The following SLC12A2 variants were observed in gnomAD, a reference collection of about 807,000 sequenced individuals.
SLC12A2 encodes the protein solute carrier family 12 member 2, also known as Na-K-2Cl cotransporter 1.
A neutral mutation model predicts 136.3 loss-of-function variants in SLC12A2; 67 were observed. The ratio of observed to expected loss-of-function variants is 0.49; its 90% confidence interval spans 0.40 to 0.60. The LOEUF is 0.60. Ranked by LOEUF, SLC12A2 falls within the 20% of genes least tolerant of loss-of-function variation. The pLI is 0.00. For synonymous variants in SLC12A2, 619 were observed against 562.9 expected (o/e 1.10, Z -1.41); for missense variants, 1,322 against 1,534.7 (o/e 0.86, Z 2.32).
intron 14 of SLC12A2, among the ~76,000 whole-genome samples, chr5:128,151,810 T>A (rs1156507887): frequency 6.6e-6 from 1 of 152,144 alleles, no homozygotes; most frequent in African/African-American, 2.4e-5. Context: ...GTCCTTGAAC[T>A]GGAGTGAGTA....
At chr5:128,171,586 TATTA>T in intron 18 of SLC12A2, 77 bp from the exon 19 acceptor site, 1 of 821,106 alleles carries the variant, frequency 1.2e-6, no homozygotes, top group Non-Finnish European at 2.0e-6. Context: ...AGAGATCATC[TATTA>T]TTTATTTTAA....
rs1762573369 is a variant in SLC12A2 at position 128,147,682 on chromosome 5, C to T, written c.1834C>T (p.Leu612Phe). 6.2e-7 allele frequency: 1 copy of T among 1,610,260 alleles called. No homozygotes were observed. Among genetic ancestry groups the T allele is most frequent in the Non-Finnish European group, 8.5e-7 (1 of 1,177,310 alleles). The stretch of plus-strand genomic sequence containing the variant: ...TTCTGCAGGTATATTTTCAGCCACT[C>T]TTTCTTCAGCATTAGCATCCCTAGT... ...LISAGIFSAT[L>F]SSALASLVSA... The change falls in exon 11 of 27, where the codon CTT (leucine) becomes TTT (phenylalanine). Residue 612 changes from leucine to phenylalanine, a missense_variant. Leu to Phe is a conservative substitution (Grantham distance 22). This residue lies in a region of SLC12A2 where 294 missense variants were observed against 436.6 expected (regional missense o/e 0.67). Coordinates refer to ENST00000262461, the MANE Select transcript of SLC12A2 (RefSeq NM_001046.3).
chr5:128,144,222 A>T (rs1213863186), intron 10 of SLC12A2, among the ~76,000 whole-genome samples: 3 of 152,166 alleles, frequency 2.0e-5, no homozygotes, highest in Non-Finnish European at 4.4e-5. Flanking sequence ...TTATGGACTC[A>T]TTCGAGCAAA....
rs1242333495 is a variant in SLC12A2 at position 128,084,039 on chromosome 5, G to A, written c.85G>A (p.Ala29Thr). ...GACGCCGTCAGCCGCTGCGCTGGCC[G>A]CAGCCAGGGTGGAACTGCCCGGCAC... ...GETPSAAALA[A>T]ARVELPGTAV... Residue 29 changes from alanine (A) to threonine (T), a missense_variant, in exon 1 of 27, where the codon GCA becomes ACA. This residue lies in a region of SLC12A2 where 358 missense variants were observed against 299.7 expected (regional missense o/e 1.19). Transcript: ENST00000262461. The surrounding 1 kb of genome is among the most constrained non-coding windows in gnomAD (Gnocchi z 5.6). The A allele has an allele frequency of 1.6e-6, 2 of 1,269,688 alleles. No individual in the cohort carries two copies. The allele number at this position is 1,269,688 out of a possible 1,614,324, so 78.7% of individuals were successfully genotyped here. A position where few individuals can be genotyped will look rare whatever the true frequency, so the allele number is the denominator to read the frequency against.
chr5:128,107,516 C>T (rs1463710763), intron 1 of SLC12A2, among the ~76,000 whole-genome samples: 1 of 152,170 alleles, frequency 6.6e-6, no homozygotes, highest in Admixed American at 6.5e-5. Context: ...TTGTTCAGCT[C>T]CCACTTATGA....
intron 2 of SLC12A2, 33 bp from the exon 3 acceptor site, chr5:128,114,179 C>T: frequency 6.8e-7 from 1 of 1,461,406 alleles, no homozygotes; most frequent in South Asian, 1.2e-5. Context: ...TATTCTTCTT[C>T]CTCTGTGTCT....
intron 16 of SLC12A2, 74 bp downstream of exon 16, chr5:128,158,238 G>T (rs1762925989): frequency 1.9e-6 from 2 of 1,070,626 alleles, no homozygotes; most frequent in Admixed American, 2.2e-5. Context: ...TACATGTGCA[G>T]GTTTGTTATG....
intron 16 of SLC12A2, among the ~76,000 whole-genome samples, chr5:128,161,234 AC>A (rs1763026733): frequency 6.6e-6 from 1 of 152,182 alleles, no homozygotes; most frequent in African/African-American, 2.4e-5. Context: ...TTTATAGCTC[AC>A]TTTGATTTTC....
intron 9 of SLC12A2, among the ~76,000 whole-genome samples, chr5:128,140,612 G>GCTTCAGAAAGTAAAAATCTTTAAAGTA (rs1762331064): frequency 6.6e-6 from 1 of 152,072 alleles, no homozygotes; most frequent in African/African-American, 2.4e-5. Context: ...AGCAATAGGG[G>GCTTCAGAAAGTAAAAATCTTTAAAGTA]TAACCCCTTG....
At chr5:128,097,483 T>C in intron 1 of SLC12A2, among the ~76,000 whole-genome samples, 1 of 152,072 alleles carries the variant, frequency 6.6e-6, no homozygotes, top group Non-Finnish European at 1.5e-5. Context: ...TAATTAGGCC[T>C]GACATTGTGT....
At chr5:128,119,332 G>A (rs535583934) in intron 4 of SLC12A2, among the ~76,000 whole-genome samples, 1 of 152,162 alleles carries the variant, frequency 6.6e-6, no homozygotes, top group Admixed American at 6.5e-5. Flanking sequence ...TCAAAGGTTG[G>A]GGAACATTAT....
intron 1 of SLC12A2, among the ~76,000 whole-genome samples, chr5:128,098,908 C>G (rs1394632283): frequency 2.0e-5 from 3 of 152,034 alleles, no homozygotes; most frequent in Non-Finnish European, 4.4e-5. Flanking sequence ...TGACTTTGGG[C>G]TCTATTTCCT....
chr5:128,163,614 A>G (rs1171896380), intron 17 of SLC12A2, among the ~76,000 whole-genome samples: 2 of 152,184 alleles, frequency 1.3e-5, no homozygotes, highest in Non-Finnish European at 2.9e-5. Context: ...AGAAATGAAA[A>G]TGTAGTACAA....
At chr5:128,112,558 G>A (rs1761192019) in intron 1 of SLC12A2, among the ~76,000 whole-genome samples, 1 of 152,112 alleles carries the variant, frequency 6.6e-6, no homozygotes, top group Non-Finnish European at 1.5e-5. Flanking sequence ...CAAAAGTGTA[G>A]CTAGAATTTG....
At chr5:128,165,660 A>T (rs1232876017) in intron 17 of SLC12A2, among the ~76,000 whole-genome samples, 2 of 152,226 alleles carry the variant, frequency 1.3e-5, no homozygotes, top group Admixed American at 6.5e-5. Flanking sequence ...TTTAGGGATG[A>T]GAGTGATAGA....
Position 128,168,089 on chromosome 5 carries a change from C to T in SLC12A2, c.2723+222C>T, listed in dbSNP as rs59484271. On this transcript the variant is annotated intron_variant, in intron 18 of 26. Transcript: ENST00000262461. Reference sequence around the variant, plus strand: ...ACATACATGCATATATATATATATACACACACACACACATATATGTATGTA... The same window carrying T: ...ACATACATGCATATATATATATATATACACACACACACATATATGTATGTA... 59,522 of 256,990 alleles carry T rather than the reference C, an allele frequency of 0.23. 5,112 individuals are homozygous for T. Among genetic ancestry groups the T allele is most frequent in the African/African-American group, 0.34 (12,785 of 37,954 alleles). The allele number at this position is 256,990 out of a possible 1,614,324, so 15.9% of individuals were successfully genotyped here.
intron 19 of SLC12A2, among the ~76,000 whole-genome samples, chr5:128,173,548 T>C (rs908862081): frequency 5.3e-5 from 8 of 152,218 alleles, no homozygotes; most frequent in Admixed American, 3.3e-4. Context: ...ATTAAGAGCA[T>C]AGGCATTGGA....
chr5:128,137,881 A>G (rs1176091639), intron 7 of SLC12A2, among the ~76,000 whole-genome samples: 1 of 152,124 alleles, frequency 6.6e-6, no homozygotes, highest in Admixed American at 6.5e-5. Flanking sequence ...ATAGTAAAGT[A>G]AGTTGGAAGC....
chr5:128,134,718 G>C lies in SLC12A2; in HGVS notation c.1299+443G>C, dbSNP rs143220432. Among the ~76,000 whole-genome samples, 10 of 152,172 alleles carry C rather than the reference G, an allele frequency of 6.6e-5. No individual in the cohort carries two copies. The East Asian group carries it at 1.7e-3, about 26-fold the overall frequency. On this transcript the variant is annotated intron_variant, in intron 6 of 26. Transcript: ENST00000262461. ...TAGGACTACCAAAGCCAGTATCATTGTTTCTGGAAAAAATTGCTAAAGTCA... is the reference window on the plus strand; with the variant it reads ...TAGGACTACCAAAGCCAGTATCATTCTTTCTGGAAAAAATTGCTAAAGTCA...
Sources: gnomAD v4.1 joint callset for allele counts (sites outside exome capture counted in the v4.1 genomes callset) on GRCh38, gnomAD v4.1.1 for gene constraint, gnomAD v4.1.1 regional missense constraint, Gnocchi (gnomAD v3.1) non-coding constraint, MANE v1.5 for transcripts, NCBI Gene and HGNC (gene_info 2026-07-23, HGNC 2026-07-21) for gene names.